The following THSD4 variants were observed in gnomAD, a reference collection of about 807,000 sequenced individuals.
The protein encoded by THSD4 is thrombospondin type-1 domain-containing protein 4.
Under a neutral mutation model 119.0 loss-of-function variants are expected in THSD4, and 69 were observed. That is an observed-to-expected ratio of 0.58 (90% confidence interval 0.48 to 0.71). THSD4 has a LOEUF of 0.71. THSD4 is among the 30% of genes least tolerant of loss of function. THSD4 has a pLI of 0.00. For synonymous variants in THSD4, 524 were observed against 540.4 expected, an observed-to-expected ratio of 0.97 and a Z score of 0.42; for missense variants, 1,393 against 1,391.1, an observed-to-expected ratio of 1.00 and a Z score of -0.02.
intron 7 of THSD4, among the ~76,000 whole-genome samples, chr15:71,456,090 G>T (rs977403193): frequency 6.6e-6 from 1 of 152,108 alleles, no homozygotes. Context: ...GTTATTTTGC[G>T]GTGTTTGCTT....
chr15:71,253,707 C>T (rs1244752608), intron 5 of THSD4, among the ~76,000 whole-genome samples: 3 of 152,106 alleles, frequency 2.0e-5, no homozygotes, highest in African/African-American at 7.2e-5. Flanking sequence ...TGCATCTGGC[C>T]AATTGTCACT....
chr15:71,694,748 T>C (rs1421652511), intron 8 of THSD4, among the ~76,000 whole-genome samples: 1 of 152,132 alleles, frequency 6.6e-6, no homozygotes, highest in East Asian at 1.9e-4. Flanking sequence ...TCTGTGTAGC[T>C]TTGTCAGGAG....
chr15:71,394,461 C>T (rs907180023), intron 6 of THSD4, among the ~76,000 whole-genome samples: 6 of 152,100 alleles, frequency 3.9e-5, no homozygotes, highest in East Asian at 1.9e-4. Context: ...TTAGTAGAGA[C>T]GGTGTTTCAC....
At chr15:71,563,064 A>G (rs749968345) in intron 7 of THSD4, among the ~76,000 whole-genome samples, 18 of 152,122 alleles carry the variant, frequency 1.2e-4, no homozygotes, top group Non-Finnish European at 1.2e-4. Flanking sequence ...GTTTTCCCCT[A>G]TGAACATTCT....
chr15:71,356,055 A>G (rs532171852), intron 6 of THSD4, among the ~76,000 whole-genome samples: 1 of 152,070 alleles, frequency 6.6e-6, no homozygotes, highest in East Asian at 1.9e-4. Flanking sequence ...TTTAGTAGAG[A>G]CAGGGTTTCA....
At chr15:71,119,085 T>A (rs1462452037) in intron 1 of THSD4, among the ~76,000 whole-genome samples, 2 of 152,206 alleles carry the variant, frequency 1.3e-5, no homozygotes, top group East Asian at 3.8e-4. Flanking sequence ...GTTTCTCTTT[T>A]AATCCTCCCA....
chr15:71,346,561 C>T (rs1566948959), intron 6 of THSD4, among the ~76,000 whole-genome samples: 1 of 152,196 alleles, frequency 6.6e-6, no homozygotes, highest in Non-Finnish European at 1.5e-5. Context: ...TCAGGTATGA[C>T]ACGATGTTTC....
chr15:71,242,660 G>A lies in THSD4; in HGVS notation c.476G>A (p.Arg159His), dbSNP rs201535999. The A allele has an allele frequency of 2.0e-4, 330 of 1,613,790 alleles. No individual in the cohort carries two copies. Among genetic ancestry groups the A allele is most frequent in the Middle Eastern group, 3.3e-4 (2 of 6,062 alleles). Residue 159 changes from arginine (R) to histidine (H), a missense_variant, in exon 5 of 18, where the codon CGT (arginine) becomes CAT (histidine). Physicochemically the swap from Arg to His is conservative, Grantham distance 29 (BLOSUM62 0). Coordinates refer to ENST00000261862, the MANE Select transcript of THSD4 (RefSeq NM_024817.3). Reference sequence around the variant, plus strand: ...CTATCTCTCTTTAGGAGCAGGACCCGTGGTACCATTGGCCCTGGCAAGTAT... The same window carrying A: ...CTATCTCTCTTTAGGAGCAGGACCCATGGTACCATTGGCCCTGGCAAGTAT... The part of the protein sequence containing the change: ...EVTGDRRSRT[R>H]GTIGPGKYGY...
At chr15:71,353,441 G>A (rs570004867) in intron 6 of THSD4, among the ~76,000 whole-genome samples, 1 of 152,308 alleles carries the variant, frequency 6.6e-6, no homozygotes, top group East Asian at 1.9e-4. Flanking sequence ...AGTCAGAGCA[G>A]ATGAGAAAGA....
At chr15:71,479,675 C>T (rs944632078) in intron 7 of THSD4, among the ~76,000 whole-genome samples, 2 of 152,016 alleles carry the variant, frequency 1.3e-5, no homozygotes, top group African/African-American at 2.4e-5. Flanking sequence ...CATACTTCAG[C>T]TTTTAGTTGC....
upstream of THSD4, among the ~76,000 whole-genome samples, chr15:71,114,207 C>T (rs2040331816): frequency 6.6e-6 from 1 of 151,922 alleles, no homozygotes; most frequent in Admixed American, 6.5e-5. Flanking sequence ...TGAGTAGCCT[C>T]TTTCCCTTTT....
intron 7 of THSD4, among the ~76,000 whole-genome samples, chr15:71,656,090 G>A (rs2051185392): frequency 6.6e-6 from 1 of 152,170 alleles, no homozygotes; most frequent in Non-Finnish European, 1.5e-5. Flanking sequence ...TTATACAGCT[G>A]TGTTTTGGAG....
intron 7 of THSD4, among the ~76,000 whole-genome samples, chr15:71,619,532 T>C (rs1159057641): frequency 6.6e-6 from 1 of 152,196 alleles, no homozygotes; most frequent in East Asian, 1.9e-4. Context: ...TAAGATTCCA[T>C]AAATCCTTGC....
At chr15:71,434,159 C>T (rs1317963395) in intron 7 of THSD4, among the ~76,000 whole-genome samples, 1 of 152,070 alleles carries the variant, frequency 6.6e-6, no homozygotes, top group Non-Finnish European at 1.5e-5. Flanking sequence ...TAATGTCAAC[C>T]TGAACCTAAA....
intron 14 of THSD4, among the ~76,000 whole-genome samples, chr15:71,754,587 A>G (rs1276098808): frequency 1.3e-5 from 2 of 152,218 alleles, no homozygotes; most frequent in Admixed American, 1.3e-4. Context: ...CAATCTAGCA[A>G]AATAGCAAAG....
At chr15:71,501,867 C>T (rs1430612671) in intron 7 of THSD4, among the ~76,000 whole-genome samples, 1 of 152,180 alleles carries the variant, frequency 6.6e-6, no homozygotes, top group Non-Finnish European at 1.5e-5. Context: ...CTTTTGACTT[C>T]TCTTTCCCAT....
At chr15:71,162,027 A>AC (rs2043254015) in intron 3 of THSD4, among the ~76,000 whole-genome samples, 1 of 148,912 alleles carries the variant, frequency 6.7e-6, no homozygotes, top group South Asian at 2.1e-4. Context: ...TTTTTCTTTC[A>AC]CCCCCCAATT....
At chr15:71,539,839 C>G (rs2048733798) in intron 7 of THSD4, among the ~76,000 whole-genome samples, 1 of 152,172 alleles carries the variant, frequency 6.6e-6, no homozygotes, top group South Asian at 2.1e-4. Flanking sequence ...TGTGCTGACT[C>G]TTGGGGCCAC....
At position 71,782,207 on chromosome 15, in the gene THSD4, C is replaced by T. The variant is rs1396344846; in HGVS notation, c.*4833C>T. ...CAGGGGCAAAGTAACTCCCTGCACC[C>T]TGAACCACCCCCCATTCCTGTTCAT... is the stretch of plus-strand genomic sequence containing the variant. On this transcript the variant is annotated 3_prime_UTR_variant, in exon 18 of 18. Coordinates refer to ENST00000261862, the MANE Select transcript of THSD4 (RefSeq NM_024817.3). The T allele has an allele frequency of 1.3e-5, 2 of 152,154 alleles. No individual in the cohort carries two copies. Among genetic ancestry groups the T allele is most frequent in the African/African-American group, 4.8e-5 (2 of 41,398 alleles). 9.4% of individuals were successfully genotyped at this position (152,154 alleles called of 1,614,324 possible).
Sources: allele counts gnomAD v4.1 joint callset (sites outside exome capture counted in the v4.1 genomes callset), GRCh38; gene constraint gnomAD v4.1.1; transcripts MANE v1.5; gene names NCBI Gene and HGNC (gene_info 2026-07-23, HGNC 2026-07-21).